The following TF variants were observed in gnomAD, a reference collection of about 807,000 sequenced individuals.
The protein encoded by TF is serotransferrin.
Under a neutral mutation model 82.4 loss-of-function variants are expected in TF, and 55 were observed. The observed-to-expected ratio is 0.67, with a 90% confidence interval of 0.54 to 0.84. The LOEUF (loss-of-function observed/expected upper bound fraction) is 0.84, where lower values mean the gene tolerates loss of function less well. Ranked by LOEUF, TF falls within the 40% of genes least tolerant of loss-of-function variation. The pLI is 0.00. For synonymous variants in TF, 332 were observed against 332.6 expected (o/e 1.00, Z 0.02); for missense variants, 737 against 868.4 (o/e 0.85, Z 1.90).
chr3:133,681,878 A>G, the TF span, among the ~76,000 whole-genome samples: 6 of 152,282 alleles, frequency 3.9e-5, no homozygotes, highest in South Asian at 4.1e-4. Context: ...GGAGTTTGAG[A>G]TCTGAGAATG....
rs570543076 is a variant in TF, at chr3:133,791,711, T to A, written c.*13091T>A. ...CACACCAGCAGACTGGTCAGTCATGTCTTTGGGAGCTTGACCTTGTAACCA... is the reference window on the plus strand; with the variant it reads ...CACACCAGCAGACTGGTCAGTCATGACTTTGGGAGCTTGACCTTGTAACCA... On this transcript the variant is annotated 3_prime_UTR_variant, in exon 17 of 17. Coordinates refer to ENST00000402696, the MANE Select transcript of TF (RefSeq NM_001063.4). 9 of 152,306 alleles carry A rather than the reference T, an allele frequency of 5.9e-5. No homozygotes were observed. Among genetic ancestry groups the A allele is most frequent in the Admixed American group, 2.0e-4 (3 of 15,306 alleles). 9.4% of individuals were successfully genotyped at this position (152,306 alleles called of 1,614,324 possible).
At chr3:133,682,780 T>G in the TF span, among the ~76,000 whole-genome samples, 4 of 152,226 alleles carry the variant, frequency 2.6e-5, no homozygotes, top group Admixed American at 1.3e-4. Context: ...TGGAAAACAC[T>G]CTTCAGGATA....
chr3:133,779,416 TAAACCA>T lies in TF; in HGVS notation c.*798_*803del, dbSNP rs1365510525. 2.0e-5 allele frequency: 3 copies of T among 152,384 alleles called. No individual in the cohort carries two copies. In the East Asian group the frequency reaches 5.8e-4, roughly 29 times the overall value. The allele number at this position is 152,384 out of a possible 1,614,324, so 9.4% of individuals were successfully genotyped here. A position where few individuals can be genotyped will look rare whatever the true frequency, so the allele number is the denominator to read the frequency against. On this transcript the variant is annotated 3_prime_UTR_variant, in exon 17 of 17. Transcript: ENST00000402696. ...AAGTCACCGTCTACCTGCCAACTGTTAAACCAATTCAGGTCTTCCATTCCTGAGCCC... is the reference window on the plus strand; with the variant it reads ...AAGTCACCGTCTACCTGCCAACTGTTATTCAGGTCTTCCATTCCTGAGCCC...
the TF span, among the ~76,000 whole-genome samples, chr3:133,721,050 T>C: frequency 3.3e-3 from 506 of 152,204 alleles, 2 homozygotes; most frequent in African/African-American, 0.011. Context: ...AAATCTTTGT[T>C]TTGTTAATTT....
At chr3:133,734,562 A>T in the TF span, among the ~76,000 whole-genome samples, 1 of 152,204 alleles carries the variant, frequency 6.6e-6, no homozygotes, top group Non-Finnish European at 1.5e-5. Context: ...TGCAGATATA[A>T]ACAAGTCATA....
At chr3:133,776,703 G>T (rs1934401003) in intron 15 of TF, among the ~76,000 whole-genome samples, 1 of 152,158 alleles carries the variant, frequency 6.6e-6, no homozygotes, top group Admixed American at 6.5e-5. Context: ...AACATCTGAA[G>T]GGACATGTTA....
the TF span, among the ~76,000 whole-genome samples, chr3:133,705,072 C>T: frequency 7.2e-5 from 11 of 152,076 alleles, no homozygotes; most frequent in Non-Finnish European, 1.5e-4. Flanking sequence ...GTCAGGAGTT[C>T]GAGACCAGCC....
At chr3:133,665,888 T>C in the TF span, among the ~76,000 whole-genome samples, 1 of 146,556 alleles carries the variant, frequency 6.8e-6, no homozygotes, top group African/African-American at 2.5e-5. Flanking sequence ...TGAGCCGAGA[T>C]TGCACCATTG....
At chr3:133,746,007 T>C (rs1043621345), upstream of TF, 21 of 281,470 alleles carry the variant, frequency 7.5e-5, no homozygotes, top group African/African-American at 2.4e-4. Context: ...GCGCAGTTCT[T>C]TTCCCTCTCC....
At chr3:133,675,113 C>G in the TF span, among the ~76,000 whole-genome samples, 1 of 151,498 alleles carries the variant, frequency 6.6e-6, no homozygotes, top group Non-Finnish European at 1.5e-5. Context: ...GGTGTGGTGG[C>G]GGGAGACTGT....
At chr3:133,742,170 C>T (rs752884877), upstream of TF, among the ~76,000 whole-genome samples, 10 of 152,048 alleles carry the variant, frequency 6.6e-5, no homozygotes, top group Non-Finnish European at 1.0e-4. Context: ...TTTGTAGAGA[C>T]GAGTTCTCAC....
chr3:133,748,189 G>A, intron 1 of TF: 1 of 604,276 alleles, frequency 1.7e-6, no homozygotes. Context: ...CACCCCTCTG[G>A]CCAGCAGAGG....
chr3:133,772,212 C>T (rs1169132204), intron 14 of TF, among the ~76,000 whole-genome samples: 1 of 152,208 alleles, frequency 6.6e-6, no homozygotes, highest in Non-Finnish European at 1.5e-5. Flanking sequence ...AATTTGTTTG[C>T]AGAAATATTG....
intron 8 of TF, among the ~76,000 whole-genome samples, chr3:133,758,497 C>G (rs1306533178): frequency 6.6e-6 from 1 of 152,082 alleles, no homozygotes; most frequent in Non-Finnish European, 1.5e-5. Context: ...AAATTTCAAA[C>G]TGGGGAGAAG....
In TF at chr3:133,781,918, A is replaced by G. The variant is rs528661301; in HGVS notation, c.*3298A>G. On this transcript the variant is annotated 3_prime_UTR_variant, in exon 17 of 17. Transcript: ENST00000402696. ...ATTTGCAAACTATATATCTAATAAG[A>G]TACAACAAATTGATAAAGAACTCAT... 6.6e-6 allele frequency: 1 copy of G among 152,350 alleles called. No homozygotes were observed. Among genetic ancestry groups the G allele is most frequent in the South Asian group, 2.1e-4 (1 of 4,832 alleles). The allele number at this position is 152,350 out of a possible 1,614,324, so 9.4% of individuals were successfully genotyped here.
chr3:133,753,798 A>G, intron 3 of TF, 95 bp downstream of exon 3: 1 of 973,416 alleles, frequency 1.0e-6, no homozygotes, highest in East Asian at 2.4e-5. Flanking sequence ...ATCAGATATA[A>G]TGAACATTCA....
At chr3:133,694,697 CT>C in the TF span, among the ~76,000 whole-genome samples, 1 of 152,234 alleles carries the variant, frequency 6.6e-6, no homozygotes, top group Admixed American at 6.5e-5. Flanking sequence ...TCACAACTTT[CT>C]GCTGAGCTGC....
the TF span, among the ~76,000 whole-genome samples, chr3:133,735,080 G>T: frequency 6.6e-6 from 1 of 152,084 alleles, no homozygotes; most frequent in Admixed American, 6.6e-5. Flanking sequence ...AGAAAAAATT[G>T]TGCTGTTGTC....
At chr3:133,672,024 A>G in the TF span, among the ~76,000 whole-genome samples, 1 of 152,104 alleles carries the variant, frequency 6.6e-6, no homozygotes. Context: ...TAAATCACTA[A>G]TATCAGCAAT....
Sources: allele counts gnomAD v4.1 joint callset (sites outside exome capture counted in the v4.1 genomes callset), GRCh38; gene constraint gnomAD v4.1.1; transcripts MANE v1.5; gene names NCBI Gene and HGNC (gene_info 2026-07-23, HGNC 2026-07-21).